The following SGCZ variants were observed in gnomAD, a reference collection of about 807,000 sequenced individuals.
SGCZ encodes sarcoglycan zeta.
Under a neutral mutation model 41.3 loss-of-function variants are expected in SGCZ, and 40 were observed. That is an observed-to-expected ratio of 0.97 (90% CI 0.75 to 1.26). SGCZ has a LOEUF of 1.26. Ranked by LOEUF, SGCZ falls within the 50% of genes most tolerant of loss-of-function variation. The probability of loss-of-function intolerance (pLI) is 0.00; values close to 1 mark genes in which losing one functional copy is unlikely to be tolerated. For missense variants in SGCZ, 552 were observed against 369.8 expected (o/e 1.49, Z -4.04); for synonymous variants, 206 against 137.5 (o/e 1.50, Z -3.49).
chr8:14,269,267 T>C (rs1563224310), intron 3 of SGCZ, among the ~76,000 whole-genome samples: 3 of 152,200 alleles, frequency 2.0e-5, no homozygotes, highest in Admixed American at 2.0e-4. Flanking sequence ...TAACAATATG[T>C]TAATTCATTA....
At chr8:14,827,522 T>C (rs972746690) in intron 1 of SGCZ, among the ~76,000 whole-genome samples, 1 of 152,088 alleles carries the variant, frequency 6.6e-6, no homozygotes. Context: ...CATTTTCTAA[T>C]GTCCCATTTG....
intron 1 of SGCZ, among the ~76,000 whole-genome samples, chr8:14,555,279 T>C (rs935314704): frequency 2.0e-5 from 3 of 152,066 alleles, no homozygotes; most frequent in South Asian, 2.1e-4. Context: ...AGTTTGGATC[T>C]ATGTCCCCAC....
intron 2 of SGCZ, among the ~76,000 whole-genome samples, chr8:14,525,250 T>C (rs1802911922): frequency 6.6e-6 from 1 of 152,118 alleles, no homozygotes; most frequent in African/African-American, 2.4e-5. Context: ...GGTTCATCTT[T>C]AGCCAGGTGA....
chr8:14,402,607 G>A (rs1229893749), intron 2 of SGCZ, among the ~76,000 whole-genome samples: 2 of 142,346 alleles, frequency 1.4e-5, no homozygotes, highest in Non-Finnish European at 3.0e-5. Flanking sequence ...GTAGATATGT[G>A]GCGTTATTTC....
At chr8:14,629,092 A>G (rs75199260) in intron 1 of SGCZ, among the ~76,000 whole-genome samples, 2,506 of 152,254 alleles carry the variant, frequency 0.016, 33 homozygotes, top group Non-Finnish European at 0.024. Context: ...TTAATCTATC[A>G]GTAAGATTTT....
chr8:14,184,857 CTA>C (rs1371182408), intron 4 of SGCZ, among the ~76,000 whole-genome samples: 4 of 152,120 alleles, frequency 2.6e-5, no homozygotes, highest in Non-Finnish European at 5.9e-5. Flanking sequence ...TAACTTAAAA[CTA>C]TACCAGAATA....
chr8:15,169,095 A>G (rs568141308), intron 1 of SGCZ, among the ~76,000 whole-genome samples: 2 of 152,342 alleles, frequency 1.3e-5, no homozygotes, highest in South Asian at 4.1e-4. Context: ...ATGCAACCAT[A>G]GCCTCTAACA....
intron 5 of SGCZ, among the ~76,000 whole-genome samples, chr8:14,156,696 T>C (rs1282459100): frequency 6.6e-6 from 1 of 152,182 alleles, no homozygotes; most frequent in Non-Finnish European, 1.5e-5. Flanking sequence ...CTATAAGCTT[T>C]TCCCTATTTA....
At chr8:14,688,231 G>A (rs1477272934) in intron 1 of SGCZ, among the ~76,000 whole-genome samples, 1 of 152,138 alleles carries the variant, frequency 6.6e-6, no homozygotes, top group Non-Finnish European at 1.5e-5. Flanking sequence ...GGCTTTTGTT[G>A]CCATTGCTTT....
At chr8:14,399,946 C>A (rs999266697) in intron 2 of SGCZ, among the ~76,000 whole-genome samples, 1 of 152,008 alleles carries the variant, frequency 6.6e-6, no homozygotes, top group African/African-American at 2.4e-5. Context: ...GAAACTCCAA[C>A]CTGGTTACTA....
chr8:14,551,589 AATATATATTATATATATT>A (rs1194041409), intron 2 of SGCZ, among the ~76,000 whole-genome samples: 2 of 34,034 alleles, frequency 5.9e-5, no homozygotes, highest in African/African-American at 1.7e-4. Flanking sequence ...TAATATATAT[AATATATATTATATATATT>A]ATATATATAC....
At chr8:15,048,165 C>T (rs963305002) in intron 1 of SGCZ, among the ~76,000 whole-genome samples, 14 of 151,918 alleles carry the variant, frequency 9.2e-5, no homozygotes, top group Admixed American at 5.9e-4. Flanking sequence ...GAATGAAAAC[C>T]TGTCATTTGC....
At chr8:14,695,557 A>G (rs1808931610) in intron 1 of SGCZ, among the ~76,000 whole-genome samples, 1 of 152,112 alleles carries the variant, frequency 6.6e-6, no homozygotes, top group Non-Finnish European at 1.5e-5. Context: ...TCCGGATGGC[A>G]TTGCATATAC....
chr8:15,198,798 A>T (rs188807412), intron 1 of SGCZ, among the ~76,000 whole-genome samples: 99 of 152,306 alleles, frequency 6.5e-4, no homozygotes, highest in Non-Finnish European at 1.2e-3. Flanking sequence ...CGCACAGCTA[A>T]GTTACAGGGC....
At chr8:14,662,684 A>C (rs1193772839) in intron 1 of SGCZ, among the ~76,000 whole-genome samples, 2 of 152,154 alleles carry the variant, frequency 1.3e-5, no homozygotes, top group Non-Finnish European at 2.9e-5. Context: ...GACAAAAGAA[A>C]ATTAAGGTTG....
chr8:14,404,049 T>G (rs1214089048), intron 2 of SGCZ, among the ~76,000 whole-genome samples: 1 of 152,118 alleles, frequency 6.6e-6, no homozygotes, highest in Non-Finnish European at 1.5e-5. Flanking sequence ...ACAAATCATG[T>G]ATCTTACCTG....
At chr8:14,903,959 T>C (rs1470036855) in intron 1 of SGCZ, among the ~76,000 whole-genome samples, 1 of 152,024 alleles carries the variant, frequency 6.6e-6, no homozygotes, top group African/African-American at 2.4e-5. Flanking sequence ...TTTCTCATGA[T>C]TAGTAATATT....
chr8:14,908,331 A>T (rs967584975), intron 1 of SGCZ, among the ~76,000 whole-genome samples: 2 of 152,188 alleles, frequency 1.3e-5, no homozygotes, highest in African/African-American at 4.8e-5. Flanking sequence ...TTCAACAAAT[A>T]TTTACCTAGT....
At chr8:14,104,172 A>C (rs1266979408) in intron 6 of SGCZ, among the ~76,000 whole-genome samples, 1 of 152,140 alleles carries the variant, frequency 6.6e-6, no homozygotes, top group African/African-American at 2.4e-5. Context: ...CTACTTGTGG[A>C]TTTCTATGTA....
Sources: allele counts gnomAD v4.1 joint callset (sites outside exome capture counted in the v4.1 genomes callset), GRCh38; gene constraint gnomAD v4.1.1; transcripts MANE v1.5; gene names NCBI Gene and HGNC (gene_info 2026-07-23, HGNC 2026-07-21).